The following PPARD variants were observed in gnomAD, a reference collection of about 807,000 sequenced individuals.
PPARD encodes peroxisome proliferator-activated receptor delta.
A neutral mutation model predicts 39.5 loss-of-function variants in PPARD; 6 were observed. The observed-to-expected ratio is 0.15, with a 90% CI of 0.08 to 0.30. PPARD has a LOEUF of 0.30. Among genes scored for constraint, PPARD ranks in the 10% least tolerant of loss-of-function variants. PPARD has a pLI of 1.00. For missense variants in PPARD, 397 were observed against 596.8 expected (o/e 0.67, Z 3.49); for synonymous variants, 210 against 231.3 (o/e 0.91, Z 0.83).
In PPARD at chr6:35,412,841, A is replaced by T. The variant is rs1765516745; in HGVS notation, c.130+1624A>T. Among the ~76,000 whole-genome samples the T allele has an allele frequency of 6.6e-6, 1 of 152,230 alleles. No individual in the cohort carries two copies. The highest frequency in any genetic ancestry group is 2.4e-5 in the African/African-American group (1 of 41,458). On this transcript the variant is annotated intron_variant, in intron 3 of 7. Transcript: ENST00000360694. The surrounding 1 kb of genome is among the most constrained non-coding windows in gnomAD (Gnocchi z 4.1). Reference sequence around the variant, plus strand: ...TGGCTTTGGAGACACAGCCTGTCTCAGAAGAGAGGAACAGCTAACCAGGAG... The same window carrying T: ...TGGCTTTGGAGACACAGCCTGTCTCTGAAGAGAGGAACAGCTAACCAGGAG...
chr6:35,387,613 A>T (rs1374306036), intron 2 of PPARD, among the ~76,000 whole-genome samples: 1 of 147,930 alleles, frequency 6.8e-6, no homozygotes, highest in African/African-American at 2.5e-5. Context: ...TCACCGTGGC[A>T]GTGGGGAGCA....
intron 3 of PPARD, among the ~76,000 whole-genome samples, chr6:35,419,124 A>G (rs1020666087): frequency 6.6e-6 from 1 of 152,104 alleles, no homozygotes; most frequent in Non-Finnish European, 1.5e-5. Flanking sequence ...TCTACTCAAA[A>G]TGGCTGATTC....
Position 35,421,804 on chromosome 6 carries a change from G to C in PPARD, c.286-16G>C. Reference sequence around the variant, plus strand: ...ACCTCCTGGTGGCCTTTCCTCACCTGTTCTTGGTGCTTCAGGGCTTCTTCC... The same window carrying C: ...ACCTCCTGGTGGCCTTTCCTCACCTCTTCTTGGTGCTTCAGGGCTTCTTCC... On this transcript the variant is annotated splice_polypyrimidine_tract_variant and intron_variant, in intron 4 of 7. Coordinates refer to ENST00000360694, the MANE Select transcript of PPARD (RefSeq NM_006238.5). 1.2e-6 allele frequency: 2 copies of C among 1,601,960 alleles called. No individual in the cohort carries two copies. Among genetic ancestry groups the C allele is most frequent in the Non-Finnish European group, 1.7e-6 (2 of 1,172,692 alleles).
In PPARD at chr6:35,425,289, G is replaced by A. The variant is rs1464911121; in HGVS notation, c.1078+510G>A. On this transcript the variant is annotated intron_variant, in intron 7 of 7. Transcript: ENST00000360694. This position sits in a 1 kb window ranked among gnomAD's most constrained non-coding sequence, Gnocchi z 4.5. ...ACCCTGTCTCAAAAAAAAGGAAAAG[G>A]ACTAACAGGCAGTATGCTGTCATGT... The A allele has an allele frequency of 9.9e-7, 1 of 1,005,314 alleles. No homozygotes were observed. Among genetic ancestry groups the A allele is most frequent in the Non-Finnish European group, 1.2e-6 (1 of 841,094 alleles). 62.3% of individuals were successfully genotyped at this position (1,005,314 alleles called of 1,614,324 possible).
At chr6:35,418,588 C>T (rs887814742) in intron 3 of PPARD, among the ~76,000 whole-genome samples, 1 of 152,228 alleles carries the variant, frequency 6.6e-6, no homozygotes, top group Non-Finnish European at 1.5e-5. Context: ...ATATGTCAGG[C>T]GGTGACAAAG....
chr6:35,379,895 G>T (rs1425153541), intron 2 of PPARD, among the ~76,000 whole-genome samples: 1 of 152,114 alleles, frequency 6.6e-6, no homozygotes, highest in Non-Finnish European at 1.5e-5. Context: ...GATTAACTTT[G>T]CAGTGTCATC....
intron 3 of PPARD, among the ~76,000 whole-genome samples, chr6:35,413,775 C>T (rs1765578502): frequency 1.3e-5 from 2 of 151,936 alleles, no homozygotes; most frequent in South Asian, 4.2e-4. Flanking sequence ...CCTCTGCCTC[C>T]CGGGCTCAAG....
At chr6:35,402,775 A>G (rs1381858038) in intron 2 of PPARD, among the ~76,000 whole-genome samples, 1 of 152,208 alleles carries the variant, frequency 6.6e-6, no homozygotes, top group Non-Finnish European at 1.5e-5. Flanking sequence ...TAGTAAGCAG[A>G]GAACACGGCA....
chr6:35,342,980 T>C (rs1791944912), intron 1 of PPARD, among the ~76,000 whole-genome samples: 1 of 147,838 alleles, frequency 6.8e-6, no homozygotes, highest in South Asian at 2.1e-4. Flanking sequence ...CTTTGCCCCC[T>C]CTTGGGCCTG....
chr6:35,365,602 C>T lies in PPARD; in HGVS notation c.-102+18452C>T, dbSNP rs140550312. 2.0e-3 allele frequency among the ~76,000 whole-genome samples: 303 copies of T among 150,640 alleles called. 16 individuals are homozygous for T. Among genetic ancestry groups the T allele is most frequent in the African/African-American group, 7.0e-3 (283 of 40,464 alleles). ...TGCCTCCTGGGTCAAGCGATTCTCC[C>T]GCCTCAGCCTCCTGAGTAGCTGGGA... On this transcript the variant is annotated intron_variant, in intron 2 of 7. Transcript: ENST00000360694.
intron 2 of PPARD, among the ~76,000 whole-genome samples, chr6:35,386,579 AG>A (rs1467437713): frequency 6.6e-6 from 1 of 152,186 alleles, no homozygotes; most frequent in African/African-American, 2.4e-5. Flanking sequence ...AATAACTTCA[AG>A]GAGACTAACT....
chr6:35,343,427 G>T (rs1362628853), intron 1 of PPARD, among the ~76,000 whole-genome samples: 3 of 151,820 alleles, frequency 2.0e-5, no homozygotes, highest in African/African-American at 7.3e-5. Flanking sequence ...CATTCCTGTC[G>T]CCCACCTCCT....
rs373770900 is a variant in PPARD, at chr6:35,426,101, G to C, written c.*22G>C. The stretch of plus-strand genomic sequence containing the variant: ...CTAACGGCGGCACCCAGGCCTCCCT[G>C]CAGACTCCAATGGGGCCAGCACTGG... On this transcript the variant is annotated 3_prime_UTR_variant, in exon 8 of 8. Coordinates refer to ENST00000360694, the MANE Select transcript of PPARD (RefSeq NM_006238.5). 2 of 1,604,398 alleles carry C rather than the reference G, an allele frequency of 1.2e-6. No individual in the cohort carries two copies. The highest frequency in any genetic ancestry group is 1.7e-6 in the Non-Finnish European group (2 of 1,178,240).
chr6:35,396,836 G>T (rs1014271284), intron 2 of PPARD, among the ~76,000 whole-genome samples: 1 of 151,864 alleles, frequency 6.6e-6, no homozygotes, highest in Non-Finnish European at 1.5e-5. Flanking sequence ...TCTCAATAAA[G>T]AAAAAAATGA....
At chr6:35,411,919 C>T (rs996697633) in intron 3 of PPARD, among the ~76,000 whole-genome samples, 1 of 152,004 alleles carries the variant, frequency 6.6e-6, no homozygotes, top group Non-Finnish European at 1.5e-5. Flanking sequence ...GCTGCAGTTC[C>T]CCCTGCTTTT....
chr6:35,353,516 G>A (rs1156712337), intron 2 of PPARD, among the ~76,000 whole-genome samples: 2 of 152,094 alleles, frequency 1.3e-5, no homozygotes, highest in South Asian at 2.1e-4. Flanking sequence ...AGGTTTTATT[G>A]TCAAAGCACA....
rs912953319 is a variant in PPARD, at chr6:35,426,394, C to T, written c.*315C>T. The T allele has an allele frequency of 2.3e-6, 1 of 434,762 alleles. No homozygotes were observed. Among genetic ancestry groups the T allele is most frequent in the Non-Finnish European group, 4.2e-6 (1 of 238,510 alleles). The allele number at this position is 434,762 out of a possible 1,614,324, so 26.9% of individuals were successfully genotyped here. A position where few individuals can be genotyped will look rare whatever the true frequency, so the allele number is the denominator to read the frequency against. On this transcript the variant is annotated 3_prime_UTR_variant, in exon 8 of 8. Transcript: ENST00000360694. Reference sequence around the variant, plus strand: ...CTCCCTTGCCCTCCCTTTCTCTCTCCACCCCCCACGTCTGTCCTCCTTTCT... The same window carrying T: ...CTCCCTTGCCCTCCCTTTCTCTCTCTACCCCCCACGTCTGTCCTCCTTTCT...
At chr6:35,385,958 G>T (rs1195251151) in intron 2 of PPARD, among the ~76,000 whole-genome samples, 3 of 152,124 alleles carry the variant, frequency 2.0e-5, no homozygotes, top group Non-Finnish European at 4.4e-5. Context: ...GCGGGTGAGG[G>T]AAGAACAAGC....
At chr6:35,414,860 C>G (rs1765648697) in intron 3 of PPARD, among the ~76,000 whole-genome samples, 1 of 152,128 alleles carries the variant, frequency 6.6e-6, no homozygotes, top group Admixed American at 6.6e-5. Context: ...AGCACTGACT[C>G]TCAGTGCAGA....
Sources: allele counts gnomAD v4.1 joint callset (sites outside exome capture counted in the v4.1 genomes callset), GRCh38; gene constraint gnomAD v4.1.1; non-coding constraint Gnocchi (gnomAD v3.1); transcripts MANE v1.5; gene names NCBI Gene and HGNC (gene_info 2026-07-23, HGNC 2026-07-21).